The following CNTN6 variants were observed in gnomAD, a reference collection of about 807,000 sequenced individuals.
CNTN6 encodes contactin-6.
A neutral mutation model predicts 122.8 loss-of-function variants in CNTN6; 137 were observed. That is an observed-to-expected ratio of 1.12 (90% confidence interval 0.97 to 1.29). The LOEUF (loss-of-function observed/expected upper bound fraction) is 1.29, where lower values mean the gene tolerates loss of function less well. Among genes scored for constraint, CNTN6 ranks in the 50% most tolerant of loss-of-function variants. The probability of loss-of-function intolerance (pLI) is 0.00; values close to 1 mark genes in which losing one functional copy is unlikely to be tolerated. For synonymous variants in CNTN6, 570 were observed against 426.0 expected (o/e 1.34, Z -4.16); for missense variants, 1,634 against 1,223.4 (o/e 1.34, Z -5.01).
chr3:1,178,739 G>T (rs143970492), intron 2 of CNTN6, among the ~76,000 whole-genome samples: 9 of 152,280 alleles, frequency 5.9e-5, no homozygotes, highest in African/African-American at 2.2e-4. Context: ...TAGTGTGGAA[G>T]TTTGAGCAAT....
At chr3:1,198,192 A>G (rs1368359505) in intron 2 of CNTN6, among the ~76,000 whole-genome samples, 1 of 151,990 alleles carries the variant, frequency 6.6e-6, no homozygotes, top group Non-Finnish European at 1.5e-5. Context: ...AAAAACAAAC[A>G]AAAAAAACTT....
chr3:1,154,032 CAATTTCTAATAG>C (rs1170950423), intron 2 of CNTN6, among the ~76,000 whole-genome samples: 1 of 152,158 alleles, frequency 6.6e-6, no homozygotes, highest in African/African-American at 2.4e-5. Context: ...GACATCTTCG[CAATTTCTAATAG>C]AAATGGTCCA....
At chr3:1,292,850 A>G (rs1243768328) in intron 5 of CNTN6, among the ~76,000 whole-genome samples, 2 of 152,108 alleles carry the variant, frequency 1.3e-5, no homozygotes, top group African/African-American at 2.4e-5. Flanking sequence ...CTCTGAGAAA[A>G]CCACTGTATA....
chr3:1,241,516 T>A (rs917908000), intron 4 of CNTN6, among the ~76,000 whole-genome samples: 2 of 152,016 alleles, frequency 1.3e-5, no homozygotes, highest in Non-Finnish European at 2.9e-5. Flanking sequence ...ATTGAGAAGC[T>A]AAACGGAAGA....
intron 12 of CNTN6, among the ~76,000 whole-genome samples, chr3:1,360,628 T>C (rs1707323928): frequency 6.6e-6 from 1 of 151,892 alleles, no homozygotes; most frequent in South Asian, 2.1e-4. Context: ...TCTCTCTTAG[T>C]CTTCATTTTA....
intron 7 of CNTN6, among the ~76,000 whole-genome samples, chr3:1,320,079 A>C (rs2125965314): frequency 6.6e-6 from 1 of 151,728 alleles, no homozygotes; most frequent in Middle Eastern, 3.4e-3. Context: ...CAGTTATCTG[A>C]GGTTAATTGT....
Position 1,302,585 on chromosome 3 carries a change from C to T in CNTN6, c.761+4594C>T, listed in dbSNP as rs571734050. On this transcript the variant is annotated intron_variant, in intron 7 of 22. Coordinates refer to ENST00000446702, the MANE Select transcript of CNTN6 (RefSeq NM_001289080.2). ...CCAGCTCCAGTGCCAGATCTTATTA[C>T]ATTTTTTATTTTTAGGTCATAAGAG... Among the ~76,000 whole-genome samples the T allele has an allele frequency of 1.2e-4, 18 of 152,122 alleles. No individual in the cohort carries two copies. In the South Asian group the frequency reaches 1.2e-3, roughly 11 times the overall value.
chr3:1,188,857 A>C (rs2093662911), intron 2 of CNTN6, among the ~76,000 whole-genome samples: 1 of 152,118 alleles, frequency 6.6e-6, no homozygotes, highest in Non-Finnish European at 1.5e-5. Flanking sequence ...TTCTTTATTG[A>C]CCCAATTCCC....
chr3:1,171,516 A>G (rs2125296985), intron 2 of CNTN6, among the ~76,000 whole-genome samples: 1 of 152,250 alleles, frequency 6.6e-6, no homozygotes, highest in African/African-American at 2.4e-5. Context: ...TATAAATGCC[A>G]CTTGTGCCAC....
chr3:1,345,856 T>A (rs1704606892), intron 11 of CNTN6, among the ~76,000 whole-genome samples: 1 of 152,130 alleles, frequency 6.6e-6, no homozygotes, highest in South Asian at 2.1e-4. Flanking sequence ...TCAATTAAAA[T>A]TTCATGGTCT....
intron 7 of CNTN6, among the ~76,000 whole-genome samples, chr3:1,301,332 G>C (rs911374573): frequency 9.9e-5 from 15 of 151,978 alleles, no homozygotes; most frequent in African/African-American, 3.6e-4. Context: ...ACTGTGCCCG[G>C]CTCCTAAACT....
chr3:1,249,741 C>T (rs561274896), intron 4 of CNTN6, among the ~76,000 whole-genome samples: 6 of 152,260 alleles, frequency 3.9e-5, no homozygotes, highest in African/African-American at 1.4e-4. Context: ...TGTAATTCTT[C>T]CAGAAATCCC....
Position 1,402,437 on chromosome 3 carries a change from T to A in CNTN6, c.2937T>A (p.Asp979Glu). 4 of 1,612,174 alleles carry A rather than the reference T, an allele frequency of 2.5e-6. No individual in the cohort carries two copies. The highest frequency in any genetic ancestry group is 3.4e-6 in the Non-Finnish European group (4 of 1,178,710). Reference protein sequence around the residue: ...DYLIEIRTVSDGGDGSSSEEI... With the variant: ...DYLIEIRTVSEGGDGSSSEEI... ...TAATTGAAATAAGAACAGTCAGTGA[T>A]GGTGGAGATGGAAGCAGCAGTGAGG... The change falls in exon 22 of 23, where the codon GAT (aspartate) becomes GAA (glutamate). Residue 979 changes from aspartate to glutamate, a missense_variant. Transcript: ENST00000446702.
At chr3:1,400,456 A>G (rs1276987591) in intron 20 of CNTN6, among the ~76,000 whole-genome samples, 1 of 151,278 alleles carries the variant, frequency 6.6e-6, no homozygotes, top group Non-Finnish European at 1.5e-5. Context: ...TAAATCTTTC[A>G]TCTCTTATCT....
chr3:1,324,964 G>A (rs1215932255), intron 8 of CNTN6, among the ~76,000 whole-genome samples: 6 of 139,700 alleles, frequency 4.3e-5, no homozygotes, highest in Non-Finnish European at 8.8e-5. Context: ...GAGTCCAAGG[G>A]AAGCGTCATA....
At chr3:1,348,673 T>A (rs1705145459) in intron 11 of CNTN6, among the ~76,000 whole-genome samples, 1 of 152,034 alleles carries the variant, frequency 6.6e-6, no homozygotes, top group African/African-American at 2.4e-5. Flanking sequence ...ATTTTGGAAG[T>A]GAACTAAAAC....
chr3:1,171,527 C>A (rs2093357385), intron 2 of CNTN6, among the ~76,000 whole-genome samples: 1 of 151,848 alleles, frequency 6.6e-6, no homozygotes, highest in Admixed American at 6.6e-5. Context: ...CTTGTGCCAC[C>A]AACCCCCGGT....
At chr3:1,393,731 A>G (rs1206634038) in intron 20 of CNTN6, among the ~76,000 whole-genome samples, 1 of 152,032 alleles carries the variant, frequency 6.6e-6, no homozygotes, top group Non-Finnish European at 1.5e-5. Flanking sequence ...GTCAACTTTT[A>G]TTATACATAA....
chr3:1,216,329 G>A (rs1470135951), intron 2 of CNTN6, among the ~76,000 whole-genome samples: 2 of 152,130 alleles, frequency 1.3e-5, no homozygotes, highest in Non-Finnish European at 2.9e-5. Flanking sequence ...GTGTGAGGAC[G>A]ACATTAGGAA....
Sources: gnomAD v4.1 joint callset for allele counts (sites outside exome capture counted in the v4.1 genomes callset) on GRCh38, gnomAD v4.1.1 for gene constraint, MANE v1.5 for transcripts, NCBI Gene and HGNC (gene_info 2026-07-23, HGNC 2026-07-21) for gene names.